CERS2: variants seen among roughly 807,000 people sequenced by gnomAD.
The protein encoded by CERS2 is LAG1 homolog, ceramide synthase 2.
Under a neutral mutation model 56.6 loss-of-function variants are expected in CERS2, and 20 were observed. The ratio of observed to expected loss-of-function variants is 0.35; its 90% CI spans 0.25 to 0.51. The LOEUF is 0.51. Ranked by LOEUF, CERS2 falls within the 20% of genes least tolerant of loss-of-function variation. The pLI, the probability that CERS2 is intolerant of heterozygous loss-of-function variation, is 0.96. For synonymous variants in CERS2, 187 were observed against 175.4 expected (o/e 1.07, Z -0.52); for missense variants, 361 against 488.6 (o/e 0.74, Z 2.46).
In CERS2 at chr1:150,966,061, C is replaced by G. The variant is rs1671000853; in HGVS notation, c.*87G>C. 2 of 1,339,298 alleles carry G rather than the reference C, an allele frequency of 1.5e-6. No individual in the cohort carries two copies. The highest frequency in any genetic ancestry group is 2.0e-6 in the Non-Finnish European group (2 of 987,580). 83.0% of individuals were successfully genotyped at this position (1,339,298 alleles called of 1,614,324 possible). ...TCTCCTCTCACTTTCTCCTTTTTCC[C>G]CAGAGCTTAAAGTGACCCTATAGCG... On this transcript the variant is annotated 3_prime_UTR_variant, in exon 11 of 11. Coordinates refer to ENST00000368954, the MANE Select transcript of CERS2 (RefSeq NM_022075.5).
rs763627245 is a variant in CERS2, at chr1:150,965,810, G to A, written c.*338C>T. Reference sequence around the variant, plus strand: ...GTCAGGGAGTCAAAGGCAAACAGCTGGGGCCAAATTCTCAGAATAAGGAAT... The same window carrying A: ...GTCAGGGAGTCAAAGGCAAACAGCTAGGGCCAAATTCTCAGAATAAGGAAT... On this transcript the variant is annotated 3_prime_UTR_variant, in exon 11 of 11. Transcript: ENST00000368954. The A allele has an allele frequency of 2.7e-4, 55 of 202,296 alleles. No homozygotes were observed. Among genetic ancestry groups the A allele is most frequent in the Admixed American group, 6.6e-4 (11 of 16,652 alleles). The allele number at this position is 202,296 out of a possible 1,614,324, so 12.5% of individuals were successfully genotyped here.
intron 1 of CERS2, among the ~76,000 whole-genome samples, chr1:150,972,933 TGA>T (rs1340151126): frequency 2.0e-5 from 3 of 152,182 alleles, no homozygotes; most frequent in Admixed American, 6.5e-5. Context: ...AGTTTCGGCC[TGA>T]GAGGAAGGAA....
chr1:150,972,394 G>A (rs587765557), intron 1 of CERS2, among the ~76,000 whole-genome samples: 3 of 152,254 alleles, frequency 2.0e-5, no homozygotes, highest in Middle Eastern at 3.4e-3. Context: ...GGGCCTGGCC[G>A]GCCTCACTTA....
At chr1:150,972,038 G>A (rs1571678224) in intron 1 of CERS2, 2 of 403,372 alleles carry the variant, frequency 5.0e-6, no homozygotes, top group Admixed American at 6.0e-5. Context: ...GGACTCCTGG[G>A]GCCCAGGAAT....
At chr1:150,967,315 A>T in intron 7 of CERS2, 77 bp downstream of exon 7, 1 of 1,430,450 alleles carries the variant, frequency 7.0e-7, no homozygotes, top group Non-Finnish European at 9.9e-7. Flanking sequence ...CAGAGTACCC[A>T]GAAGTCAAAG....
intron 1 of CERS2, chr1:150,973,757 G>T (rs1671241082): frequency 6.6e-6 from 1 of 152,394 alleles, no homozygotes; most frequent in African/African-American, 2.4e-5. Context: ...AGGAACAGGG[G>T]CTCACTGCAT....
Position 150,968,948 on chromosome 1 carries a change from A to G in CERS2, c.143T>C (p.Leu48Pro). 1 of 1,613,820 alleles carries G rather than the reference A, an allele frequency of 6.2e-7. No homozygotes were observed. The highest frequency in any genetic ancestry group is 8.5e-7 in the Non-Finnish European group (1 of 1,179,990). The part of the protein sequence containing the change: ...DLYITLPLAL[L>P]FLIVRYFFEL... ...AAAGAAGTATCGAACGATGAGGAAG[A>G]GCAAGGCCAGGGGCAGCGTGATATA... The change falls in exon 2 of 11, where the codon CTC (leucine) becomes CCC (proline). Residue 48 changes from leucine to proline, a missense_variant. Leu to Pro is a moderately conservative substitution (Grantham distance 98, BLOSUM62 -3). Transcript: ENST00000368954.
At chr1:150,971,749 A>C (rs1485310669) in intron 1 of CERS2, 1 of 398,986 alleles carries the variant, frequency 2.5e-6, no homozygotes, top group Non-Finnish European at 5.2e-6. Flanking sequence ...ATGCACAGAG[A>C]AGGGACAATG....
Position 150,974,757 on chromosome 1 carries a change from G to GCCCT in CERS2, c.-144_-141dup, listed in dbSNP as rs1671280194. ...CGCCCGCCGGCCCGCGCCCGCCCTC[G>GCCCT]CCCTCCCTCCTCCGCCAGCCGCCGG... On this transcript the variant is annotated 5_prime_UTR_variant, in exon 1 of 11. Transcript: ENST00000368954. The GCCCT allele has an allele frequency of 6.7e-6, 1 of 150,152 alleles. No homozygotes were observed. The highest frequency in any genetic ancestry group is 1.8e-4 in the South Asian group (1 of 5,544). The allele number at this position is 150,152 out of a possible 1,614,324, so 9.3% of individuals were successfully genotyped here. A position where few individuals can be genotyped will look rare whatever the true frequency, so the allele number is the denominator to read the frequency against.
chr1:150,967,481 T>A lies in CERS2; in HGVS notation c.523A>T (p.Thr175Ser). The A allele has an allele frequency of 6.3e-7, 1 of 1,576,958 alleles. No homozygotes were observed. The highest frequency in any genetic ancestry group is 8.7e-7 in the Non-Finnish European group (1 of 1,146,232). The change falls in exon 7 of 11, where the codon ACT (threonine) becomes TCT (serine). Residue 175 changes from threonine (T) to serine (S), a missense_variant. Coordinates refer to ENST00000368954, the MANE Select transcript of CERS2 (RefSeq NM_022075.5). ...KVWEGYPIQS[T>S]IPSQYWYYMI... ...TAGTACCAATACTGGGAAGGGATAGTGCTCTGGGAGAGGAGAGAGAGGTAA... is the reference window on the plus strand; with the variant it reads ...TAGTACCAATACTGGGAAGGGATAGAGCTCTGGGAGAGGAGAGAGAGGTAA...
intron 8 of CERS2, 46 bp downstream of exon 8, chr1:150,967,028 G>A: frequency 1.2e-6 from 2 of 1,609,804 alleles, no homozygotes; most frequent in Non-Finnish European, 8.5e-7. Context: ...AAACCAAAGG[G>A]ACAGAAGAAC....
Position 150,967,396 on chromosome 1 carries a change from C to G in CERS2, c.608G>C (p.Arg203Pro). 1.3e-6 allele frequency: 2 copies of G among 1,590,844 alleles called. No individual in the cohort carries two copies. Among genetic ancestry groups the G allele is most frequent in the Non-Finnish European group, 1.7e-6 (2 of 1,158,874 alleles). The change falls in exon 7 of 11, where the codon CGA becomes CCA. Residue 203 changes from arginine (R) to proline (P), a missense_variant. By Grantham distance (103) the Arg-to-Pro change is moderately radical. Coordinates refer to ENST00000368954, the MANE Select transcript of CERS2 (RefSeq NM_022075.5). ...LLFSIASDVK[R>P]KDFKEQIIHH... ...TTGCACAACCCCTTCACCCACCTTTCGCTTGACATCAGAGGCAATGCTGAA... is the reference window on the plus strand; with the variant it reads ...TTGCACAACCCCTTCACCCACCTTTGGCTTGACATCAGAGGCAATGCTGAA...
chr1:150,974,631 T>G lies in CERS2; in HGVS notation c.-14A>C, dbSNP rs905330986. Reference sequence around the variant, plus strand: ...GGCCCCGACTCACCCGGCGGCAGCGTTGGCGGGGCCGGGGCCGCTGCTCCG... The same window carrying G: ...GGCCCCGACTCACCCGGCGGCAGCGGTGGCGGGGCCGGGGCCGCTGCTCCG... On this transcript the variant is annotated 5_prime_UTR_variant, in exon 1 of 11. Coordinates refer to ENST00000368954, the MANE Select transcript of CERS2 (RefSeq NM_022075.5). 2.7e-5 allele frequency: 4 copies of G among 148,186 alleles called. No homozygotes were observed. Among genetic ancestry groups the G allele is most frequent in the Admixed American group, 2.0e-4 (3 of 15,020 alleles). The allele number at this position is 148,186 out of a possible 1,614,324, so 9.2% of individuals were successfully genotyped here.
intron 8 of CERS2, 71 bp downstream of exon 8, chr1:150,967,003 C>T (rs1032618368): frequency 3.2e-6 from 5 of 1,580,982 alleles, no homozygotes; most frequent in East Asian, 2.2e-5. Context: ...CCACCCCGCA[C>T]CTCCCTCCCA....
intron 2 of CERS2, 119 bp from the exon 3 acceptor site, chr1:150,968,631 CCT>C: frequency 1.2e-6 from 1 of 846,362 alleles, no homozygotes; most frequent in Non-Finnish European, 1.9e-6. Context: ...TTTTCTCTAG[CCT>C]CCAGGGCTGC....
In CERS2 at chr1:150,969,064, G is replaced by A. The variant is rs1382352863; in HGVS notation, c.27C>T (p.Phe9=). 2.5e-6 allele frequency: 4 copies of A among 1,614,106 alleles called. No individual in the cohort carries two copies. Among genetic ancestry groups the A allele is most frequent in the African/African-American group, 1.3e-5 (1 of 75,034 alleles). MLQTLYDY[F]WWERLWLPVN... Reference sequence around the variant, plus strand: ...CAGGCAGCCACAGACGTTCCCACCAGAAGTAATCATACAAGGTCTGGAGCA... The same window carrying A: ...CAGGCAGCCACAGACGTTCCCACCAAAAGTAATCATACAAGGTCTGGAGCA... The change falls in exon 2 of 11, where the codon TTC becomes TTT. Residue 9 remains phenylalanine, a synonymous_variant. Coordinates refer to ENST00000368954, the MANE Select transcript of CERS2 (RefSeq NM_022075.5).
intron 8 of CERS2, 39 bp downstream of exon 8, chr1:150,967,035 G>A (rs1420825696): frequency 2.5e-6 from 4 of 1,610,676 alleles, no homozygotes; most frequent in Non-Finnish European, 3.4e-6. Context: ...AGGGACAGAA[G>A]AACCTGCACC....
intron 1 of CERS2, among the ~76,000 whole-genome samples, chr1:150,970,438 G>C (rs2102771447): frequency 6.6e-6 from 1 of 152,248 alleles, no homozygotes; most frequent in East Asian, 1.9e-4. Context: ...GTCAGGGATT[G>C]TGGGGCAGGG....
In CERS2 at chr1:150,969,447, C is replaced by T. The variant is rs587762994; in HGVS notation, c.-1-356G>A. On this transcript the variant is annotated intron_variant, in intron 1 of 10. Coordinates refer to ENST00000368954, the MANE Select transcript of CERS2 (RefSeq NM_022075.5). ...AAAACTAGCTGGGTGTGGTGGCGGGCGCCTATAGTCCCAGCTACTCAGGAG... is the reference window on the plus strand; with the variant it reads ...AAAACTAGCTGGGTGTGGTGGCGGGTGCCTATAGTCCCAGCTACTCAGGAG... 64 of 215,056 alleles carry T rather than the reference C, an allele frequency of 3.0e-4. 1 individual carries two copies. In the East Asian group the frequency reaches 5.4e-3, roughly 18 times the overall value. 13.3% of individuals were successfully genotyped at this position (215,056 alleles called of 1,614,324 possible).
Sources: allele counts gnomAD v4.1 joint callset (sites outside exome capture counted in the v4.1 genomes callset), GRCh38; gene constraint gnomAD v4.1.1; transcripts MANE v1.5; gene names NCBI Gene and HGNC (gene_info 2026-07-23, HGNC 2026-07-21).